The following PGLYRP4 variants were observed in gnomAD, a reference collection of about 807,000 sequenced individuals.
PGLYRP4 encodes the protein peptidoglycan recognition protein 4.
In PGLYRP4, 39 loss-of-function variants were observed where a neutral mutation model predicts 41.2. The observed-to-expected ratio is 0.95, with a 90% CI of 0.73 to 1.24. The LOEUF is 1.24. PGLYRP4 is among the 50% of genes most tolerant of loss of function. PGLYRP4 has a pLI of 0.00. For missense variants in PGLYRP4, 467 were observed against 460.7 expected (o/e 1.01, Z -0.13); for synonymous variants, 202 against 186.8 (o/e 1.08, Z -0.66).
chr1:153,337,160 C>A (rs111773485), intron 8 of PGLYRP4, 21 bp downstream of exon 8: 2 of 1,481,424 alleles, frequency 1.4e-6, no homozygotes, highest in East Asian at 4.5e-5. Flanking sequence ...AATGACCCTA[C>A]TGACCAAAGC....
chr1:153,342,235 G>A (rs1022149581), intron 5 of PGLYRP4, among the ~76,000 whole-genome samples: 8 of 152,190 alleles, frequency 5.3e-5, no homozygotes, highest in African/African-American at 1.9e-4. Flanking sequence ...AAGATCCCAA[G>A]CTAACGACAA....
chr1:153,346,273 A>T (rs938562547), intron 2 of PGLYRP4, 82 bp from the exon 3 acceptor site: 1 of 1,026,960 alleles, frequency 9.7e-7, no homozygotes. Context: ...AGAAACAGCC[A>T]TCCCCTCTCC....
At chr1:153,334,714 A>G (rs1660476644) in intron 8 of PGLYRP4, among the ~76,000 whole-genome samples, 1 of 152,094 alleles carries the variant, frequency 6.6e-6, no homozygotes, top group Non-Finnish European at 1.5e-5. Context: ...TCTATAATTC[A>G]TATGGAACTA....
chr1:153,330,715 G>A lies in PGLYRP4; in HGVS notation c.*52C>T, dbSNP rs1017768481. The A allele has an allele frequency of 3.3e-6, 5 of 1,525,852 alleles. No individual in the cohort carries two copies. Among genetic ancestry groups the A allele is most frequent in the Non-Finnish European group, 4.5e-6 (5 of 1,107,562 alleles). 94.5% of individuals were successfully genotyped at this position (1,525,852 alleles called of 1,614,324 possible). A position where few individuals can be genotyped will look rare whatever the true frequency, so the allele number is the denominator to read the frequency against. ...GAGCCAAGCTGGATGGTTAGGACAGGAGAGACCTGACAGGGGAGGGAAAGC... is the reference window on the plus strand; with the variant it reads ...GAGCCAAGCTGGATGGTTAGGACAGAAGAGACCTGACAGGGGAGGGAAAGC... On this transcript the variant is annotated 3_prime_UTR_variant, in exon 9 of 9. Transcript: ENST00000359650.
intron 8 of PGLYRP4, among the ~76,000 whole-genome samples, chr1:153,331,345 A>AACATTGTT (rs1184214183): frequency 6.6e-6 from 1 of 152,216 alleles, no homozygotes; most frequent in African/African-American, 2.4e-5. Flanking sequence ...AGGACGGGAC[A>AACATTGTT]GCCTCTGACA....
chr1:153,346,973 A>G (rs1380240636), intron 2 of PGLYRP4, among the ~76,000 whole-genome samples: 1 of 152,220 alleles, frequency 6.6e-6, no homozygotes, highest in Non-Finnish European at 1.5e-5. Context: ...GAGGACTTGA[A>G]TCCAGGTCTA....
chr1:153,337,678 C>A (rs1207196991), intron 7 of PGLYRP4, among the ~76,000 whole-genome samples: 4 of 152,156 alleles, frequency 2.6e-5, no homozygotes, highest in Non-Finnish European at 5.9e-5. Flanking sequence ...CCACTGCGGC[C>A]CCCAGGTAGC....
intron 7 of PGLYRP4, among the ~76,000 whole-genome samples, chr1:153,338,258 C>T (rs1365264873): frequency 1.3e-5 from 2 of 152,164 alleles, no homozygotes; most frequent in African/African-American, 4.8e-5. Context: ...CTCCCAACTA[C>T]ACTCCCTGAT....
rs1406011105 is a variant in PGLYRP4 at position 153,340,421 on chromosome 1, A to C, written c.784T>G (p.Phe262Val). Residue 262 changes from phenylalanine to valine, a missense_variant, in exon 7 of 9, where the codon TTC becomes GTC. Transcript: ENST00000359650. Reference sequence around the variant, plus strand: ...CATGACTTGAGCCTGTCTATGTAGAAAGACTGGATGTCCCGGACCAGCAGG... The same window carrying C: ...CATGACTTGAGCCTGTCTATGTAGACAGACTGGATGTCCCGGACCAGCAGG... ...CRLLVRDIQS[F>V]YIDRLKSCDI... The C allele has an allele frequency of 6.2e-7, 1 of 1,614,170 alleles. No homozygotes were observed. Among genetic ancestry groups the C allele is most frequent in the East Asian group, 2.2e-5 (1 of 44,878 alleles).
intron 7 of PGLYRP4, among the ~76,000 whole-genome samples, chr1:153,337,529 T>A (rs1162462405): frequency 2.0e-5 from 3 of 152,196 alleles, no homozygotes; most frequent in Non-Finnish European, 4.4e-5. Context: ...ATTTACAGCA[T>A]ATGCTGATTT....
chr1:153,346,843 A>G (rs796987888), intron 2 of PGLYRP4, among the ~76,000 whole-genome samples: 53 of 152,332 alleles, frequency 3.5e-4, no homozygotes, highest in African/African-American at 1.1e-3. Context: ...CTTCAGGTGC[A>G]TTATCTCATT....
At chr1:153,347,032 G>C (rs922301893) in intron 2 of PGLYRP4, among the ~76,000 whole-genome samples, 42 of 152,118 alleles carry the variant, frequency 2.8e-4, no homozygotes, top group African/African-American at 9.4e-4. Flanking sequence ...TTCTCCTTAA[G>C]AGAGAGTAGG....
In PGLYRP4 at chr1:153,347,896, T is replaced by A. The variant is rs3006458; in HGVS notation, c.37A>T (p.Ile13Phe). ...PWLLVFSALG[I>F]QAWGDSSWNK... Reference sequence around the variant, plus strand: ...AAAGAAAACTTACCCCAGGCCTGGATACCCAGAGCAGAGAAGACAAGAAGC... The same window carrying A: ...AAAGAAAACTTACCCCAGGCCTGGAAACCCAGAGCAGAGAAGACAAGAAGC... The change falls in exon 2 of 9, where the codon ATC becomes TTC. Residue 13 changes from isoleucine to phenylalanine, a missense_variant. Physicochemically the swap from Ile to Phe is conservative, Grantham distance 21. Coordinates refer to ENST00000359650, the MANE Select transcript of PGLYRP4 (RefSeq NM_020393.4). 3 of 1,612,648 alleles carry A rather than the reference T, an allele frequency of 1.9e-6. No homozygotes were observed. In the South Asian group the frequency reaches 3.3e-5, roughly 18 times the overall value.
intron 6 of PGLYRP4, 50 bp from the exon 7 acceptor site, chr1:153,340,629 A>C: frequency 6.4e-7 from 1 of 1,573,280 alleles, no homozygotes; most frequent in Admixed American, 1.7e-5. Flanking sequence ...CATCTATGCC[A>C]GCCACTTCTC....
chr1:153,332,054 A>T (rs1305154350), intron 8 of PGLYRP4, among the ~76,000 whole-genome samples: 6 of 152,236 alleles, frequency 3.9e-5, no homozygotes, highest in African/African-American at 1.4e-4. Flanking sequence ...ATCCAACTGT[A>T]TGCTGCTTAC....
intron 4 of PGLYRP4, chr1:153,344,923 G>A: frequency 2.1e-6 from 1 of 480,378 alleles, no homozygotes; most frequent in South Asian, 2.3e-5. Context: ...CCAGGGTTGG[G>A]GGAGGGTAGA....
chr1:153,342,772 T>C (rs942732494), intron 5 of PGLYRP4, among the ~76,000 whole-genome samples: 8 of 152,136 alleles, frequency 5.3e-5, no homozygotes, highest in Non-Finnish European at 5.9e-5. Flanking sequence ...GTGTTAGTCA[T>C]TGACATAGAG....
chr1:153,331,273 G>A (rs2101545379), intron 8 of PGLYRP4, among the ~76,000 whole-genome samples: 1 of 152,316 alleles, frequency 6.6e-6, no homozygotes, highest in East Asian at 1.9e-4. Context: ...ATTTTTGGTT[G>A]TGAAAACTGG....
rs1319897003 is a variant in PGLYRP4, at chr1:153,348,072, C to A, written c.-46-94G>T. 13 of 689,806 alleles carry A rather than the reference C, an allele frequency of 1.9e-5. No homozygotes were observed. In the East Asian group the frequency reaches 3.3e-4, roughly 18 times the overall value. The allele number at this position is 689,806 out of a possible 1,614,324, so 42.7% of individuals were successfully genotyped here. ...CAGTGGGTGCCATCTGCCTCCTCTA[C>A]CATCCTGTGGCCTCCTGAGGGCCAG... On this transcript the variant is annotated intron_variant, in intron 1 of 8. Transcript: ENST00000359650.
Sources: gnomAD v4.1 joint callset for allele counts (sites outside exome capture counted in the v4.1 genomes callset) on GRCh38, gnomAD v4.1.1 for gene constraint, MANE v1.5 for transcripts, NCBI Gene and HGNC (gene_info 2026-07-23, HGNC 2026-07-21) for gene names.